Variants in BNC1 observed in about 807,000 individuals in gnomAD.
BNC1 encodes the protein basonuclin zinc finger protein 1.
BNC1 carries 8 observed loss-of-function variants against 66.5 expected under a neutral mutation model. The observed-to-expected ratio is 0.12, with a 90% CI of 0.07 to 0.22. The LOEUF is 0.22. Ranked by LOEUF, BNC1 falls within the 10% of genes least tolerant of loss-of-function variation. The probability of loss-of-function intolerance (pLI) is 1.00; values close to 1 mark genes in which losing one functional copy is unlikely to be tolerated. For missense variants in BNC1, 1,069 were observed against 1,241.3 expected, an observed-to-expected ratio of 0.86 and a Z score of 2.09; for synonymous variants, 454 against 452.6, an observed-to-expected ratio of 1.00 and a Z score of -0.04.
chr15:83,264,617 T>C lies in BNC1; in HGVS notation c.634A>G (p.Ser212Gly), dbSNP rs765976862. The change falls in exon 4 of 5, where the codon AGT becomes GGT. Residue 212 changes from serine to glycine, a missense_variant. By Grantham distance (56) the Ser-to-Gly change is moderately conservative. Coordinates refer to ENST00000345382, the MANE Select transcript of BNC1 (RefSeq NM_001717.4). Reference sequence around the variant, plus strand: ...GTGGGGAGGCTAGAACTCCTGTGACTGCAGCTCTCGATGAAAGCCCTGATA... The same window carrying C: ...GTGGGGAGGCTAGAACTCCTGTGACCGCAGCTCTCGATGAAAGCCCTGATA... ...VDIRAFIESC[S>G]HRSSSLPTPV... is the part of the protein sequence containing the mutation. 3.1e-6 allele frequency: 5 copies of C among 1,614,064 alleles called. No individual in the cohort carries two copies. The African/African-American group carries it at 6.7e-5, about 22-fold the overall frequency.
chr15:83,260,076 CA>C (rs1185595516), intron 4 of BNC1, among the ~76,000 whole-genome samples: 1 of 152,164 alleles, frequency 6.6e-6, no homozygotes, highest in Non-Finnish European at 1.5e-5. Flanking sequence ...GAGGCCCTTT[CA>C]GGGGGTTCCT....
At position 83,263,815 on chromosome 15, in the gene BNC1, A is replaced by C. The variant is rs1567192098; in HGVS notation, c.1436T>G (p.Phe479Cys). 1.2e-6 allele frequency: 2 copies of C among 1,614,170 alleles called. No homozygotes were observed. Among genetic ancestry groups the C allele is most frequent in the Non-Finnish European group, 1.7e-6 (2 of 1,180,032 alleles). Residue 479 changes from phenylalanine (F) to cysteine (C), a missense_variant, in exon 4 of 5, where the codon TTT (phenylalanine) becomes TGT (cysteine). Physicochemically the swap from Phe to Cys is radical, Grantham distance 205. This residue lies in a region of BNC1 where 657 missense variants were observed against 715.8 expected (regional missense o/e 0.92). Coordinates refer to ENST00000345382, the MANE Select transcript of BNC1 (RefSeq NM_001717.4). ...TGGCTGGACTGTCTTTAGGTTGGGAAAAAGCACACCATTTTGCCCAATGTT... is the reference window on the plus strand; with the variant it reads ...TGGCTGGACTGTCTTTAGGTTGGGACAAAGCACACCATTTTGCCCAATGTT... ...FPNIGQNGVL[F>C]PNLKTVQPVL...
intron 1 of BNC1, among the ~76,000 whole-genome samples, chr15:83,275,869 T>C (rs772060285): frequency 4.0e-5 from 6 of 151,184 alleles, no homozygotes; most frequent in African/African-American, 1.5e-4. Flanking sequence ...GGAGTCTGGA[T>C]TTTAACAGTA....
intron 1 of BNC1, among the ~76,000 whole-genome samples, chr15:83,279,979 A>G (rs1467632175): frequency 2.0e-5 from 3 of 152,208 alleles, no homozygotes; most frequent in Non-Finnish European, 4.4e-5. Context: ...TATGCATGAC[A>G]CATTTGTAGT....
At chr15:83,278,073 A>G (rs1019778425) in intron 1 of BNC1, among the ~76,000 whole-genome samples, 1 of 152,192 alleles carries the variant, frequency 6.6e-6, no homozygotes, top group African/African-American at 2.4e-5. Flanking sequence ...CAAATAGGTA[A>G]TAAGGACAAC....
rs763845295 is a variant in BNC1 at position 83,264,242 on chromosome 15, A to G, written c.1009T>C (p.Leu337=). 7.4e-6 allele frequency: 12 copies of G among 1,614,208 alleles called. No individual in the cohort carries two copies. The highest frequency in any genetic ancestry group is 1.0e-5 in the Non-Finnish European group (12 of 1,180,044). The change falls in exon 4 of 5, where the codon TTA becomes CTA. Residue 337 remains leucine, a synonymous_variant. Coordinates refer to ENST00000345382, the MANE Select transcript of BNC1 (RefSeq NM_001717.4). ...NIVTKFERTQ[L]SPEAKVKPER... is the part of the protein sequence containing the mutation. ...GGCTTCACTTTGGCCTCAGGGGATA[A>G]CTGTGTCCTTTCAAACTTAGTGACA...
chr15:83,269,829 A>C (rs569006446), intron 1 of BNC1, among the ~76,000 whole-genome samples: 1 of 152,340 alleles, frequency 6.6e-6, no homozygotes, highest in East Asian at 1.9e-4. Context: ...CCCAACATCC[A>C]TCAACTGATG....
At chr15:83,270,085 A>G (rs2038255286) in intron 1 of BNC1, among the ~76,000 whole-genome samples, 2 of 152,206 alleles carry the variant, frequency 1.3e-5, no homozygotes, top group African/African-American at 2.4e-5. Flanking sequence ...TAGGGTATGG[A>G]TAAGAAGTGA....
In BNC1 at chr15:83,257,460, A is replaced by T. The variant is rs1326857782; in HGVS notation, c.2967T>A (p.Ser989=). The change falls in exon 5 of 5, where the codon TCT becomes TCA. Residue 989 remains serine (S), a synonymous_variant. Transcript: ENST00000345382. The part of the protein sequence containing the change: ...NPNLHKSLAS[S]PSHLQ ...CATCTTGTTACTGGAGGTGACTTGGAGATGAGGCCAGGCTTTTGTGCAGGT... is the reference window on the plus strand; with the variant it reads ...CATCTTGTTACTGGAGGTGACTTGGTGATGAGGCCAGGCTTTTGTGCAGGT... The T allele has an allele frequency of 6.2e-7, 1 of 1,612,266 alleles. No homozygotes were observed. The highest frequency in any genetic ancestry group is 1.3e-5 in the African/African-American group (1 of 74,828).
At chr15:83,283,422 T>TCGC (rs556545701) in intron 1 of BNC1, 34 of 1,124,822 alleles carry the variant, frequency 3.0e-5, no homozygotes, top group Middle Eastern at 3.8e-4. Flanking sequence ...GCCCCCAGCC[T>TCGC]CGCCGCCGCC....
At chr15:83,283,536 A>C in intron 1 of BNC1, 2 of 984,636 alleles carry the variant, frequency 2.0e-6, no homozygotes, top group Non-Finnish European at 2.4e-6. Flanking sequence ...GGGAGCTCGA[A>C]GTCGGGGGCC....
chr15:83,282,645 A>G (rs1376000657), intron 1 of BNC1, among the ~76,000 whole-genome samples: 1 of 152,250 alleles, frequency 6.6e-6, no homozygotes, highest in Non-Finnish European at 1.5e-5. Flanking sequence ...ACGTATTTGC[A>G]AACTCAGGGT....
chr15:83,259,163 T>C (rs1270115053), intron 4 of BNC1, among the ~76,000 whole-genome samples: 2 of 152,254 alleles, frequency 1.3e-5, no homozygotes, highest in African/African-American at 4.8e-5. Context: ...ACATGCCTTT[T>C]AGTCATATGT....
Position 83,267,012 on chromosome 15 carries a change from A to T in BNC1, c.259T>A (p.Ser87Thr). ...YPTSQVEIVQSNVVFDISSLM... is the reference protein window; with the variant it reads ...YPTSQVEIVQTNVVFDISSLM... ...CTGCTAATATCAAACACTACATTGGACTGGACAATCTCCACCTGGCTTGTT... is the reference window on the plus strand; with the variant it reads ...CTGCTAATATCAAACACTACATTGGTCTGGACAATCTCCACCTGGCTTGTT... Residue 87 changes from serine to threonine, a missense_variant, in exon 3 of 5, where the codon TCC becomes ACC. Around this residue, in one of 7 missense-constraint regions of BNC1, gnomAD observed 30 missense variants for 20.2 expected, o/e 1.49. Coordinates refer to ENST00000345382, the MANE Select transcript of BNC1 (RefSeq NM_001717.4). The T allele has an allele frequency of 6.2e-7, 1 of 1,614,134 alleles. No individual in the cohort carries two copies. The highest frequency in any genetic ancestry group is 8.5e-7 in the Non-Finnish European group (1 of 1,180,026).
At position 83,264,045 on chromosome 15, in the gene BNC1, C is replaced by T. The variant is rs1343602228; in HGVS notation, c.1206G>A (p.Arg402=). ...CNMVFSSLRS[R]NRHSANPNPR... Reference sequence around the variant, plus strand: ...GGTTGGGGTTGGCGCTATGGCGATTCCGGCTCCTTAGGGAGCTGAACACCA... The same window carrying T: ...GGTTGGGGTTGGCGCTATGGCGATTTCGGCTCCTTAGGGAGCTGAACACCA... Residue 402 remains arginine, a synonymous_variant, in exon 4 of 5, where the codon CGG becomes CGA. Coordinates refer to ENST00000345382, the MANE Select transcript of BNC1 (RefSeq NM_001717.4). 1 of 1,614,042 alleles carries T rather than the reference C, an allele frequency of 6.2e-7. No individual in the cohort carries two copies. The highest frequency in any genetic ancestry group is 8.5e-7 in the Non-Finnish European group (1 of 1,180,038).
At chr15:83,267,770 C>A (rs1406013370) in intron 2 of BNC1, among the ~76,000 whole-genome samples, 1 of 152,058 alleles carries the variant, frequency 6.6e-6, no homozygotes, top group Non-Finnish European at 1.5e-5. Flanking sequence ...TTGGGATATA[C>A]CTAGGCTAAA....
At chr15:83,271,688 C>A (rs2038271114) in intron 1 of BNC1, among the ~76,000 whole-genome samples, 2 of 152,002 alleles carry the variant, frequency 1.3e-5, no homozygotes, top group African/African-American at 4.8e-5. Context: ...CCTAAAATTT[C>A]TTTGGAGAGG....
At chr15:83,260,482 G>A (rs763060260) in intron 4 of BNC1, among the ~76,000 whole-genome samples, 2 of 152,114 alleles carry the variant, frequency 1.3e-5, no homozygotes, top group Admixed American at 1.3e-4. Context: ...AGACCAAAAC[G>A]TTTCAGAGTT....
chr15:83,258,682 T>C (rs1467302819), intron 4 of BNC1, among the ~76,000 whole-genome samples: 1 of 152,166 alleles, frequency 6.6e-6, no homozygotes, highest in African/African-American at 2.4e-5. Flanking sequence ...TATAAGGAAC[T>C]AAGAAAAGGA....
Sources: gnomAD v4.1 joint callset for allele counts (sites outside exome capture counted in the v4.1 genomes callset) on GRCh38, gnomAD v4.1.1 for gene constraint, gnomAD v4.1.1 regional missense constraint, MANE v1.5 for transcripts, NCBI Gene and HGNC (gene_info 2026-07-23, HGNC 2026-07-21) for gene names.